The following TENM2 variants were observed in gnomAD, a reference collection of about 807,000 sequenced individuals.
TENM2 encodes teneurin-2.
A neutral mutation model predicts 245.2 loss-of-function variants in TENM2; 52 were observed. The observed-to-expected ratio is 0.21, with a 90% CI of 0.17 to 0.27. The LOEUF is 0.27. Among genes scored for constraint, TENM2 ranks in the 10% least tolerant of loss-of-function variants. The probability of loss-of-function intolerance (pLI) is 1.00; values close to 1 mark genes in which losing one functional copy is unlikely to be tolerated. For missense variants in TENM2, 3,046 were observed against 3,666.8 expected, an observed-to-expected ratio of 0.83 and a Z score of 4.37; for synonymous variants, 1,363 against 1,438.9, an observed-to-expected ratio of 0.95 and a Z score of 1.19.
At position 167,805,080 on chromosome 5, in the gene TENM2, G is replaced by A. The variant is rs187329874; in HGVS notation, c.503-70906G>A. Reference sequence around the variant, plus strand: ...GTGGTAGAGGCTGGGGAGACATCCTGACTTGGCTGCTTGAATAAACTTGGA... The same window carrying A: ...GTGGTAGAGGCTGGGGAGACATCCTAACTTGGCTGCTTGAATAAACTTGGA... On this transcript the variant is annotated intron_variant, in intron 2 of 28. Transcript: ENST00000518659. Among the ~76,000 whole-genome samples the A allele has an allele frequency of 2.4e-4, 37 of 152,242 alleles. 2 individuals are homozygous for A. In the East Asian group the frequency reaches 6.4e-3, roughly 26 times the overall value.
rs377685183 is a variant in TENM2, at chr5:168,248,085, C to T, written c.7146C>T (p.Asn2382=). 9.2e-5 allele frequency: 148 copies of T among 1,613,972 alleles called. No homozygotes were observed. In the African/African-American group the frequency reaches 1.2e-3, roughly 14 times the overall value. ...CTCCTCTGGCTGTGTTCAGCATCAA[C>T]GGCCTCATGATCAAACAGCTGCAGT... Residue 2382 remains asparagine, a synonymous_variant, in exon 27 of 29, where the codon AAC becomes AAT. Transcript: ENST00000518659.
Position 167,984,083 on chromosome 5 carries a change from T to A in TENM2, c.948-8861T>A, listed in dbSNP as rs555159230. 9.8e-5 allele frequency among the ~76,000 whole-genome samples: 15 copies of A among 152,300 alleles called. 1 individual carries two copies. The South Asian group carries it at 3.1e-3, about 32-fold the overall frequency. On this transcript the variant is annotated intron_variant, in intron 4 of 28. Transcript: ENST00000518659. ...AAGCCCAAGAAGTAGCTACTATCAT[T>A]CTCAGCCTCCTAGCAAGGTTAAGTA...
intron 2 of TENM2, among the ~76,000 whole-genome samples, chr5:167,563,575 C>T (rs1046615069): frequency 9.9e-5 from 15 of 152,178 alleles, no homozygotes; most frequent in Non-Finnish European, 1.6e-4. Flanking sequence ...TAGCCCTGGG[C>T]ACCCTAACCA....
intron 2 of TENM2, among the ~76,000 whole-genome samples, chr5:167,543,385 CTT>C (rs1284245876): frequency 1.3e-5 from 2 of 152,136 alleles, no homozygotes; most frequent in African/African-American, 4.8e-5. Context: ...ACTCTTTCCT[CTT>C]GAGAGGAGTG....
chr5:167,012,812 A>T, the TENM2 span, among the ~76,000 whole-genome samples: 1 of 152,006 alleles, frequency 6.6e-6, no homozygotes, highest in African/African-American at 2.4e-5. Flanking sequence ...AGCATATACC[A>T]TGGGGAGCAC....
chr5:167,521,423 G>A (rs534163471), intron 2 of TENM2, among the ~76,000 whole-genome samples: 2 of 152,086 alleles, frequency 1.3e-5, no homozygotes, highest in Non-Finnish European at 1.5e-5. Flanking sequence ...GAACAAATAG[G>A]CTCTGGCGTA....
rs76428040 is a variant in TENM2, at chr5:167,694,992, A to C, written c.503-180994A>C. Among the ~76,000 whole-genome samples, 192 of 152,356 alleles carry C rather than the reference A, an allele frequency of 1.3e-3. 4 individuals carry two copies. In the East Asian group the frequency reaches 0.033, roughly 26 times the overall value. On this transcript the variant is annotated intron_variant, in intron 2 of 28. Coordinates refer to ENST00000518659, the Ensembl canonical transcript of TENM2. The stretch of plus-strand genomic sequence containing the variant: ...ATGTGGATGTATCCTGTATATTCTC[A>C]GACAACATTCATCTACTCTTGCTTC...
At chr5:167,625,494 G>A (rs1778444848) in intron 2 of TENM2, among the ~76,000 whole-genome samples, 1 of 152,066 alleles carries the variant, frequency 6.6e-6, no homozygotes, top group South Asian at 2.1e-4. Context: ...TATAAATTAT[G>A]AAATATTTGC....
At chr5:167,273,565 G>C in the TENM2 span, among the ~76,000 whole-genome samples, 1 of 152,126 alleles carries the variant, frequency 6.6e-6, no homozygotes, top group Non-Finnish European at 1.5e-5. Flanking sequence ...ATTAAGAGTA[G>C]TATCTTATTA....
intron 2 of TENM2, among the ~76,000 whole-genome samples, chr5:167,688,438 G>A (rs1272957641): frequency 6.6e-6 from 1 of 152,134 alleles, no homozygotes; most frequent in Non-Finnish European, 1.5e-5. Flanking sequence ...ACAATGGAGA[G>A]GTTGTTTAAT....
intron 2 of TENM2, among the ~76,000 whole-genome samples, chr5:167,706,151 G>A (rs1401683164): frequency 6.9e-6 from 1 of 144,796 alleles, no homozygotes; most frequent in African/African-American, 2.5e-5. Flanking sequence ...TATAGATGGT[G>A]TGTATATATA....
At chr5:168,207,652 G>A (rs1402558771) in intron 19 of TENM2, among the ~76,000 whole-genome samples, 2 of 152,174 alleles carry the variant, frequency 1.3e-5, no homozygotes, top group Non-Finnish European at 2.9e-5. Context: ...GAGGGAGGGG[G>A]AGGAAGAGAC....
chr5:167,012,592 T>C, the TENM2 span, among the ~76,000 whole-genome samples: 5 of 152,096 alleles, frequency 3.3e-5, no homozygotes, highest in African/African-American at 1.2e-4. Context: ...CATGGGAATT[T>C]TGTCAAAAGA....
At chr5:167,101,258 C>G in the TENM2 span, among the ~76,000 whole-genome samples, 1 of 152,128 alleles carries the variant, frequency 6.6e-6, no homozygotes, top group African/African-American at 2.4e-5. Flanking sequence ...TAGTGTAATT[C>G]CTGTCCTCAA....
At chr5:167,844,996 G>C (rs2151175279) in intron 2 of TENM2, among the ~76,000 whole-genome samples, 1 of 152,038 alleles carries the variant, frequency 6.6e-6, no homozygotes, top group Admixed American at 6.6e-5. Context: ...TTATCACCCA[G>C]GTACCTCTTT....
At chr5:167,856,798 T>G (rs571344350) in intron 2 of TENM2, among the ~76,000 whole-genome samples, 1 of 152,238 alleles carries the variant, frequency 6.6e-6, no homozygotes, top group African/African-American at 2.4e-5. Context: ...CAAAACATTG[T>G]CTACAGCCTT....
intron 5 of TENM2, among the ~76,000 whole-genome samples, chr5:168,035,442 A>C (rs992603794): frequency 6.6e-6 from 1 of 151,800 alleles, no homozygotes; most frequent in Non-Finnish European, 1.5e-5. Context: ...GTTTGCAGTG[A>C]ACTGAGATAG....
At chr5:167,366,270 A>G (rs1760048346) in intron 1 of TENM2, among the ~76,000 whole-genome samples, 1 of 152,144 alleles carries the variant, frequency 6.6e-6, no homozygotes, top group Non-Finnish European at 1.5e-5. Flanking sequence ...CCTATTTGAA[A>G]GCATAAATGA....
chr5:167,000,044 G>T, the TENM2 span, among the ~76,000 whole-genome samples: 1 of 152,126 alleles, frequency 6.6e-6, no homozygotes, highest in Non-Finnish European at 1.5e-5. Context: ...GAAGCAGGAC[G>T]CTGTGATTGT....
Sources: allele counts gnomAD v4.1 joint callset (sites outside exome capture counted in the v4.1 genomes callset), GRCh38; gene constraint gnomAD v4.1.1; transcripts MANE v1.5; gene names NCBI Gene and HGNC (gene_info 2026-07-23, HGNC 2026-07-21).